Variants in MTUS2 observed in about 807,000 individuals in gnomAD.
MTUS2 encodes microtubule-associated tumor suppressor candidate 2.
A neutral mutation model predicts 114.1 loss-of-function variants in MTUS2; 40 were observed. The observed-to-expected ratio is 0.35, with a 90% CI of 0.27 to 0.46. The LOEUF (loss-of-function observed/expected upper bound fraction) is 0.46. Ranked by LOEUF, MTUS2 falls within the 20% of genes least tolerant of loss-of-function variation. The pLI is 1.00. For missense variants in MTUS2, 1,679 were observed against 1,705.4 expected (o/e 0.98, Z 0.27); for synonymous variants, 688 against 672.0 (o/e 1.02, Z -0.37).
intron 2 of MTUS2, among the ~76,000 whole-genome samples, chr13:28,968,544 G>T (rs1165168583): frequency 1.3e-5 from 2 of 152,152 alleles, no homozygotes; most frequent in East Asian, 3.8e-4. Flanking sequence ...AAGTTCCTGG[G>T]ATTTCAACTT....
At position 29,007,798 on chromosome 13, in the gene MTUS2, A is replaced by G. The variant is rs147402124; in HGVS notation, c.-242-16659A>G. ...TAATAACATAATATATAACGCACAT[A>G]CAAAATATATGGTAATCAACTGTTT... is the stretch of plus-strand genomic sequence containing the variant. On this transcript the variant is annotated intron_variant, in intron 2 of 15. Coordinates refer to ENST00000612955, the MANE Select transcript of MTUS2 (RefSeq NM_001033602.4). Among the ~76,000 whole-genome samples the G allele has an allele frequency of 1.1e-3, 167 of 152,292 alleles. 4 individuals carry two copies. In the East Asian group the frequency reaches 0.02, roughly 18 times the overall value.
At chr13:28,845,022 C>G (rs889637919) in intron 2 of MTUS2, among the ~76,000 whole-genome samples, 2 of 152,114 alleles carry the variant, frequency 1.3e-5, no homozygotes, top group Non-Finnish European at 2.9e-5. Context: ...ATGGTGTGAT[C>G]ATAGCTCACT....
chr13:29,301,156 T>C (rs1343975846), intron 6 of MTUS2, among the ~76,000 whole-genome samples: 1 of 152,154 alleles, frequency 6.6e-6, no homozygotes, highest in Non-Finnish European at 1.5e-5. Flanking sequence ...GCCCTCCAGC[T>C]TGCCCCCCAC....
In MTUS2 at chr13:29,371,984, CCCCA is replaced by C. The variant is rs781731964; in HGVS notation, c.3117+12513_3117+12516del. The stretch of plus-strand genomic sequence containing the variant: ...AAGTGTCCTCAACCCCCGCCCCCCC[CCCCA>C]CACACACACACAAGCACAAAAGGTA... On this transcript the variant is annotated intron_variant, in intron 8 of 15. Coordinates refer to ENST00000612955, the MANE Select transcript of MTUS2 (RefSeq NM_001033602.4). 5.2e-5 allele frequency among the ~76,000 whole-genome samples: 5 copies of C among 96,854 alleles called. 1 individual carries two copies. The highest frequency in any genetic ancestry group is 1.4e-4 in the African/African-American group (4 of 28,022). The allele number at this position is 96,854 out of a possible 152,430, so 63.5% of individuals were successfully genotyped here. A position where few individuals can be genotyped will look rare whatever the true frequency, so the allele number is the denominator to read the frequency against.
At chr13:29,441,653 G>A (rs1436072191) in intron 9 of MTUS2, among the ~76,000 whole-genome samples, 1 of 152,070 alleles carries the variant, frequency 6.6e-6, no homozygotes, top group Non-Finnish European at 1.5e-5. Context: ...TACACTCACT[G>A]GTGACCCTGC....
intron 2 of MTUS2, among the ~76,000 whole-genome samples, chr13:28,921,135 A>T (rs973507029): frequency 6.6e-6 from 1 of 152,200 alleles, no homozygotes; most frequent in Admixed American, 6.5e-5. Context: ...CATAGCTCCC[A>T]CAGCTGAGAA....
chr13:29,213,303 C>T (rs1260000388), intron 5 of MTUS2, among the ~76,000 whole-genome samples: 1 of 152,204 alleles, frequency 6.6e-6, no homozygotes, highest in Non-Finnish European at 1.5e-5. Flanking sequence ...TATTTAAAAA[C>T]AGTGTCTACT....
intron 5 of MTUS2, among the ~76,000 whole-genome samples, chr13:29,120,510 G>T (rs1891265015): frequency 6.6e-6 from 1 of 151,930 alleles, no homozygotes; most frequent in Admixed American, 6.6e-5. Flanking sequence ...GTAAATAGTT[G>T]GGATTACTGG....
chr13:28,991,904 T>A (rs753642581), intron 2 of MTUS2, among the ~76,000 whole-genome samples: 1 of 152,172 alleles, frequency 6.6e-6, no homozygotes, highest in Non-Finnish European at 1.5e-5. Context: ...TCAGCCAGTG[T>A]GATTCTGTCT....
chr13:29,339,086 C>T (rs919069337), intron 7 of MTUS2, among the ~76,000 whole-genome samples: 3 of 152,128 alleles, frequency 2.0e-5, no homozygotes, highest in Non-Finnish European at 4.4e-5. Flanking sequence ...GGGCTGCAGG[C>T]TGGGTGTGCG....
intron 8 of MTUS2, among the ~76,000 whole-genome samples, chr13:29,389,705 G>A (rs1373265797): frequency 1.4e-5 from 2 of 142,226 alleles, no homozygotes; most frequent in African/African-American, 5.2e-5. Flanking sequence ...GTGTATATGT[G>A]TATATGTATA....
chr13:29,359,327 C>T lies in MTUS2; in HGVS notation c.2971C>T (p.Arg991Cys), dbSNP rs376316182. 1.2e-5 allele frequency: 20 copies of T among 1,611,022 alleles called. No homozygotes were observed. Among genetic ancestry groups the T allele is most frequent in the Non-Finnish European group, 1.4e-5 (16 of 1,178,856 alleles). ...GFPPKPDPQAREAERQLVLRL... is the reference protein window; with the variant it reads ...GFPPKPDPQACEAERQLVLRL... ...TCCGCCCAAGCCGGACCCGCAGGCC[C>T]GTGAGGCTGAGCGGCAGCTGGTGCT... Residue 991 changes from arginine to cysteine, a missense_variant, in exon 8 of 16, where the codon CGT becomes TGT. Transcript: ENST00000612955.
chr13:29,105,803 G>A (rs767667920), intron 5 of MTUS2, among the ~76,000 whole-genome samples: 5 of 83,694 alleles, frequency 6.0e-5, no homozygotes, highest in Non-Finnish European at 9.3e-5. Flanking sequence ...GAAGTGGAGG[G>A]TTAATTTCTG....
intron 3 of MTUS2, among the ~76,000 whole-genome samples, chr13:29,029,974 A>C (rs776586081): frequency 6.6e-6 from 1 of 152,252 alleles, no homozygotes; most frequent in Non-Finnish European, 1.5e-5. Flanking sequence ...CAAGCCAACC[A>C]TATCCAAACC....
intron 6 of MTUS2, among the ~76,000 whole-genome samples, chr13:29,321,049 A>G (rs1311750517): frequency 6.6e-6 from 1 of 152,240 alleles, no homozygotes; most frequent in African/African-American, 2.4e-5. Context: ...TTTGTCATCA[A>G]ATAGATAAGC....
chr13:29,464,344 C>G (rs1879738262), intron 9 of MTUS2, among the ~76,000 whole-genome samples: 3 of 152,236 alleles, frequency 2.0e-5, no homozygotes, highest in African/African-American at 7.2e-5. Context: ...TGTGAACAAA[C>G]AGTTCTAAGG....
At position 29,026,707 on chromosome 13, in the gene MTUS2, C is replaced by T. The variant is rs538363802; in HGVS notation, c.2009C>T (p.Ala670Val). 3.6e-5 allele frequency: 58 copies of T among 1,613,962 alleles called. No individual in the cohort carries two copies. The African/African-American group carries it at 7.1e-4, about 20-fold the overall frequency. Residue 670 changes from alanine to valine, a missense_variant, in exon 3 of 16, where the codon GCC becomes GTC. Transcript: ENST00000612955. ...CTGGTTCCAGTGGGGCTTCCATATG[C>T]CCCGCCCACATGTACCATGCCTCTT... The part of the protein sequence containing the change: ...ASLVPVGLPY[A>V]PPTCTMPLPH...
At chr13:28,903,977 C>T (rs1451130445) in intron 2 of MTUS2, among the ~76,000 whole-genome samples, 2 of 152,174 alleles carry the variant, frequency 1.3e-5, no homozygotes, top group Non-Finnish European at 2.9e-5. Flanking sequence ...GATGGTATCT[C>T]ATTGTGGTTT....
intron 8 of MTUS2, among the ~76,000 whole-genome samples, chr13:29,398,484 A>G (rs1874078280): frequency 9.1e-6 from 1 of 110,176 alleles, no homozygotes; most frequent in South Asian, 2.9e-4. Context: ...AAAAAAAGAA[A>G]GAAAAAGAAA....
Sources: allele counts gnomAD v4.1 joint callset (sites outside exome capture counted in the v4.1 genomes callset), GRCh38; gene constraint gnomAD v4.1.1; transcripts MANE v1.5; gene names NCBI Gene and HGNC (gene_info 2026-07-23, HGNC 2026-07-21).